ELMOD2: variants seen among roughly 807,000 people sequenced by gnomAD.
ELMOD2 encodes ELMO domain containing 2.
In ELMOD2, 28 loss-of-function variants were observed where a neutral mutation model predicts 41.0. The ratio of observed to expected loss-of-function variants is 0.68; its 90% CI spans 0.51 to 0.94. ELMOD2 has a LOEUF of 0.94. ELMOD2 is among the 40% of genes least tolerant of loss of function. The pLI is 0.00. For missense variants in ELMOD2, 333 were observed against 343.1 expected, an observed-to-expected ratio of 0.97 and a Z score of 0.23; for synonymous variants, 106 against 107.2, an observed-to-expected ratio of 0.99 and a Z score of 0.07.
chr4:140,536,972 C>T lies in ELMOD2; in HGVS notation c.270-440C>T, dbSNP rs145682278. 5.0e-3 allele frequency among the ~76,000 whole-genome samples: 759 copies of T among 151,998 alleles called. 13 individuals carry two copies. The highest frequency in any genetic ancestry group is 0.017 in the African/African-American group (717 of 41,448). ...TGTAGCTTGGGGAACTAATGGGTAG[C>T]GATGTCATTAATAGATCTAGACACT... On this transcript the variant is annotated intron_variant, in intron 4 of 8. Coordinates refer to ENST00000323570, the MANE Select transcript of ELMOD2 (RefSeq NM_153702.4).
At chr4:140,540,416 A>G (rs1735069473) in intron 6 of ELMOD2, 115 bp downstream of exon 6, 4 of 1,338,882 alleles carry the variant, frequency 3.0e-6, no homozygotes, top group Non-Finnish European at 3.1e-6. Context: ...GAATTTTAAT[A>G]ACTGCAGTGC....
At chr4:140,527,959 G>A (rs1248813866) in intron 3 of ELMOD2, 2 of 153,198 alleles carry the variant, frequency 1.3e-5, no homozygotes, top group Non-Finnish European at 2.9e-5. Context: ...ACGATACGTT[G>A]TTTCTTGCTC....
intron 8 of ELMOD2, among the ~76,000 whole-genome samples, chr4:140,543,929 A>G (rs890621298): frequency 6.6e-6 from 1 of 152,048 alleles, no homozygotes; most frequent in Non-Finnish European, 1.5e-5. Context: ...AGGACAGACC[A>G]TTTGCAGATT....
chr4:140,537,213 A>G lies in ELMOD2; in HGVS notation c.270-199A>G, dbSNP rs372825149. ...AGTTGTGAAGTTTGCCATTCCTACC[A>G]TGTCTTGCCCTCTTTCTAGGCCTTG... On this transcript the variant is annotated intron_variant, in intron 4 of 8. Transcript: ENST00000323570. 7.8e-4 allele frequency among the ~76,000 whole-genome samples: 118 copies of G among 152,190 alleles called. 2 individuals carry two copies. In the East Asian group the frequency reaches 0.02, roughly 26 times the overall value.
Position 140,550,301 on chromosome 4 carries a change from T to C in ELMOD2, c.808T>C (p.Tyr270His). 1 of 1,611,674 alleles carries C rather than the reference T, an allele frequency of 6.2e-7. No homozygotes were observed. The highest frequency in any genetic ancestry group is 1.1e-5 in the South Asian group (1 of 90,902). ...AGAAAGCATTATGTATTTCAATTTG[T>C]ATAGAGAGAAGTTTCATGAAAAGAT... ...EPESIMYFNL[Y>H]REKFHEKIKG... Residue 270 changes from tyrosine to histidine, a missense_variant, in exon 9 of 9, where the codon TAT becomes CAT. Coordinates refer to ENST00000323570, the MANE Select transcript of ELMOD2 (RefSeq NM_153702.4).
intron 8 of ELMOD2, among the ~76,000 whole-genome samples, chr4:140,549,230 T>C (rs1195912093): frequency 6.6e-6 from 1 of 152,216 alleles, no homozygotes; most frequent in African/African-American, 2.4e-5. Context: ...TTTTTAAAAA[T>C]TGACATATTA....
rs1735502737 is a variant in ELMOD2, at chr4:140,552,868, A to C, written c.*2493A>C. ...AGTTATGGTTTTAATAGGATCTGAA[A>C]GACAATCTTTAAAGAAATGGGAGAA... On this transcript the variant is annotated 3_prime_UTR_variant, in exon 9 of 9. Coordinates refer to ENST00000323570, the MANE Select transcript of ELMOD2 (RefSeq NM_153702.4). 1 of 152,014 alleles carries C rather than the reference A, an allele frequency of 6.6e-6. No individual in the cohort carries two copies. Among genetic ancestry groups the C allele is most frequent in the South Asian group, 2.1e-4 (1 of 4,808 alleles). The allele number at this position is 152,014 out of a possible 1,614,324, so 9.4% of individuals were successfully genotyped here. A position where few individuals can be genotyped will look rare whatever the true frequency, so the allele number is the denominator to read the frequency against.
In ELMOD2 at chr4:140,537,467, T is replaced by A. The variant is rs781109833; in HGVS notation, c.325T>A (p.Tyr109Asn). The change falls in exon 5 of 9, where the codon TAT becomes AAT. Residue 109 changes from tyrosine (Y) to asparagine (N), a missense_variant. Coordinates refer to ENST00000323570, the MANE Select transcript of ELMOD2 (RefSeq NM_153702.4). ...GCAGATAACTGGTTATAAACAGCTG[T>A]ATTTGGATGTAGAAAGTGTGAGGAA... ...LLQITGYKQLYLDVESVRKRP... is the reference protein window; with the variant it reads ...LLQITGYKQLNLDVESVRKRP... 1 of 1,582,366 alleles carries A rather than the reference T, an allele frequency of 6.3e-7. No individual in the cohort carries two copies. The highest frequency in any genetic ancestry group is 1.4e-5 in the African/African-American group (1 of 72,882).
intron 2 of ELMOD2, chr4:140,526,522 A>G (rs558136984): frequency 6.7e-6 from 1 of 150,172 alleles, no homozygotes; most frequent in African/African-American, 2.4e-5. Context: ...AATTAGCCAG[A>G]TTTTTTTTTT....
At chr4:140,545,731 A>C (rs1248499011) in intron 8 of ELMOD2, among the ~76,000 whole-genome samples, 4 of 152,046 alleles carry the variant, frequency 2.6e-5, no homozygotes, top group Non-Finnish European at 4.4e-5. Flanking sequence ...TTTTTTTTAA[A>C]TGAATATATC....
At chr4:140,539,973 C>A (rs780161587) in intron 5 of ELMOD2, among the ~76,000 whole-genome samples, 195 bp from the exon 6 acceptor site, 11 of 152,088 alleles carry the variant, frequency 7.2e-5, no homozygotes, top group Non-Finnish European at 1.3e-4. Context: ...TATTTGTTAT[C>A]TTTTCAAAAT....
chr4:140,527,046 AC>A (rs1270958530), intron 2 of ELMOD2, among the ~76,000 whole-genome samples: 1 of 152,212 alleles, frequency 6.6e-6, no homozygotes, highest in Admixed American at 6.5e-5. Flanking sequence ...TATTTGTTGT[AC>A]GATTTGGTTG....
chr4:140,539,631 C>T (rs1735044931), intron 5 of ELMOD2, among the ~76,000 whole-genome samples: 1 of 152,198 alleles, frequency 6.6e-6, no homozygotes, highest in Non-Finnish European at 1.5e-5. Context: ...CAGGCATGAG[C>T]CACCATGCCC....
At position 140,540,060 on chromosome 4, in the gene ELMOD2, CTT is replaced by C. The variant is rs1370745513; in HGVS notation, c.400-106_400-105del. On this transcript the variant is annotated intron_variant, in intron 5 of 8. Coordinates refer to ENST00000323570, the MANE Select transcript of ELMOD2 (RefSeq NM_153702.4). Reference sequence around the variant, plus strand: ...GGATAATTGAAAAATGTTCTAAAGTCTTTGCTTAACCTATGGTTTTTCTACAA... The same window carrying C: ...GGATAATTGAAAAATGTTCTAAAGTCTGCTTAACCTATGGTTTTTCTACAA... 7 of 1,298,316 alleles carry C rather than the reference CTT, an allele frequency of 5.4e-6. No individual in the cohort carries two copies. In the Admixed American group the frequency reaches 1.6e-4, roughly 30 times the overall value. 80.4% of individuals were successfully genotyped at this position (1,298,316 alleles called of 1,614,324 possible).
chr4:140,548,295 A>G (rs1735356625), intron 8 of ELMOD2, among the ~76,000 whole-genome samples: 1 of 152,204 alleles, frequency 6.6e-6, no homozygotes, highest in East Asian at 1.9e-4. Context: ...TAGGCAGAAC[A>G]TTAATCTCTA....
At chr4:140,539,915 TATTA>T (rs1210672122) in intron 5 of ELMOD2, among the ~76,000 whole-genome samples, 2 of 152,214 alleles carry the variant, frequency 1.3e-5, no homozygotes, top group Non-Finnish European at 2.9e-5. Flanking sequence ...GGCATATCTG[TATTA>T]ATTAGTAAAT....
intron 8 of ELMOD2, among the ~76,000 whole-genome samples, chr4:140,549,025 G>A (rs1246760291): frequency 6.6e-6 from 1 of 151,490 alleles, no homozygotes; most frequent in Admixed American, 6.6e-5. Flanking sequence ...AAGTTTTTAT[G>A]TACTCCTTGG....
intron 8 of ELMOD2, among the ~76,000 whole-genome samples, chr4:140,546,364 A>G (rs1735283257): frequency 6.6e-6 from 1 of 151,980 alleles, no homozygotes; most frequent in African/African-American, 2.4e-5. Context: ...GAGGGTTAGC[A>G]TTAGGAGATA....
chr4:140,533,552 T>C (rs1734816828), intron 3 of ELMOD2, among the ~76,000 whole-genome samples: 1 of 152,168 alleles, frequency 6.6e-6, no homozygotes. Flanking sequence ...CTTTAAAGTT[T>C]CTGAAAGCAA....
Sources: gnomAD v4.1 joint callset for allele counts (sites outside exome capture counted in the v4.1 genomes callset) on GRCh38, gnomAD v4.1.1 for gene constraint, MANE v1.5 for transcripts, NCBI Gene and HGNC (gene_info 2026-07-23, HGNC 2026-07-21) for gene names.